Variants in DNMT1 observed in about 807,000 individuals in gnomAD.
The protein encoded by DNMT1 is DNA methyltransferase 1, also known as DNA (cytosine-5)-methyltransferase 1.
In DNMT1, 24 loss-of-function variants were observed where a neutral mutation model predicts 205.3. That is an observed-to-expected ratio of 0.12 (90% CI 0.08 to 0.16). The LOEUF is 0.16. Ranked by LOEUF, DNMT1 falls within the 10% of genes least tolerant of loss-of-function variation. The probability of loss-of-function intolerance (pLI) is 1.00; values close to 1 mark genes in which losing one functional copy is unlikely to be tolerated. For synonymous variants in DNMT1, 817 were observed against 839.8 expected, an observed-to-expected ratio of 0.97 and a Z score of 0.47; for missense variants, 1,293 against 2,177.7, an observed-to-expected ratio of 0.59 and a Z score of 8.09.
Position 10,159,773 on chromosome 19 carries a change from G to A in DNMT1, c.1171-6C>T, listed in dbSNP as rs938718191. Reference sequence around the variant, plus strand: ...AGCATCTGTGGCTCATCCACCTGAAGGACACGGGGCTGGTGAGCAGTGGGA... The same window carrying A: ...AGCATCTGTGGCTCATCCACCTGAAAGACACGGGGCTGGTGAGCAGTGGGA... On this transcript the variant is annotated splice_region_variant and splice_polypyrimidine_tract_variant and intron_variant, in intron 16 of 40. Coordinates refer to ENST00000359526, the MANE Select transcript of DNMT1 (RefSeq NM_001130823.3). The surrounding 1 kb of genome is among the most constrained non-coding windows in gnomAD (Gnocchi z 5.0). 1.9e-6 allele frequency: 3 copies of A among 1,614,108 alleles called. No homozygotes were observed. Among genetic ancestry groups the A allele is most frequent in the Non-Finnish European group, 2.5e-6 (3 of 1,180,042 alleles).
chr19:10,194,318 C>T (rs1269659627), intron 1 of DNMT1, among the ~76,000 whole-genome samples: 1 of 152,218 alleles, frequency 6.6e-6, no homozygotes, highest in Non-Finnish European at 1.5e-5. Flanking sequence ...CTCTGGAGGC[C>T]GCCATCGAGA....
In DNMT1 at chr19:10,175,529, A is replaced by C; in HGVS notation, c.648+11T>G. On this transcript the variant is annotated intron_variant, in intron 7 of 40. Transcript: ENST00000359526. ...TAAGGTAGAGTCAGGAAATGAAAGC[A>C]CTGGCCCTACCTGGTCTTTGTCTTC... 6 of 1,614,034 alleles carry C rather than the reference A, an allele frequency of 3.7e-6. No individual in the cohort carries two copies. The highest frequency in any genetic ancestry group is 5.1e-6 in the Non-Finnish European group (6 of 1,179,930).
Position 10,154,340 on chromosome 19 carries a change from C to T in DNMT1, c.1972G>A (p.Glu658Lys). 1 of 1,614,246 alleles carries T rather than the reference C, an allele frequency of 6.2e-7. No individual in the cohort carries two copies. Among genetic ancestry groups the T allele is most frequent in the East Asian group, 2.2e-5 (1 of 44,884 alleles). Reference protein sequence around the residue: ...FAEQIEKDDREDKENAFKRRR... With the variant: ...FAEQIEKDDRKDKENAFKRRR... ...CGCTTAAAGGCGTTCTCCTTGTCTT[C>T]TCTGTCATCCTTTTCAATTTGCTCT... is the stretch of plus-strand genomic sequence containing the variant. The change falls in exon 22 of 41, where the codon GAA becomes AAA. Residue 658 changes from glutamate to lysine, a missense_variant. By Grantham distance (56) the Glu-to-Lys change is moderately conservative. Transcript: ENST00000359526. The surrounding 1 kb of genome is among the most constrained non-coding windows in gnomAD (Gnocchi z 6.3).
At chr19:10,190,543 A>T (rs1365964890) in intron 1 of DNMT1, among the ~76,000 whole-genome samples, 3 of 152,136 alleles carry the variant, frequency 2.0e-5, no homozygotes, top group South Asian at 2.1e-4. Flanking sequence ...CAGGCGAATC[A>T]CTTGAGTCCA....
chr19:10,136,395 G>GC, intron 37 of DNMT1, 108 bp from the exon 38 acceptor site: 1 of 1,452,648 alleles, frequency 6.9e-7, no homozygotes. Flanking sequence ...TGTGCAAGGG[G>GC]CCCCCTGGGG....
In DNMT1 at chr19:10,156,008, C is replaced by T; in HGVS notation, c.1400-63G>A. The T allele has an allele frequency of 1.3e-6, 2 of 1,540,266 alleles. No individual in the cohort carries two copies. The highest frequency in any genetic ancestry group is 1.8e-6 in the Non-Finnish European group (2 of 1,128,534). ...TCACATCCCAAACCCAGGAGGCGCT[C>T]TAAGCGCCCACTCAGCAGACATCCC... On this transcript the variant is annotated intron_variant, in intron 18 of 40. Coordinates refer to ENST00000359526, the MANE Select transcript of DNMT1 (RefSeq NM_001130823.3). This position sits in a 1 kb window ranked among gnomAD's most constrained non-coding sequence, Gnocchi z 4.2.
chr19:10,194,916 G>C lies in DNMT1; in HGVS notation c.-17C>G, dbSNP rs748174887. ...CGCCGGCATCTCGGAGGCTTCAGCA[G>C]ACGCGGCGGCGGCAGCGCAGGCGCC... On this transcript the variant is annotated 5_prime_UTR_variant, in exon 1 of 41. Transcript: ENST00000359526. 8 of 1,600,864 alleles carry C rather than the reference G, an allele frequency of 5.0e-6. No individual in the cohort carries two copies. The highest frequency in any genetic ancestry group is 6.8e-6 in the Non-Finnish European group (8 of 1,173,618).
At chr19:10,187,147 G>A (rs1388731973) in intron 1 of DNMT1, among the ~76,000 whole-genome samples, 1 of 151,882 alleles carries the variant, frequency 6.6e-6, no homozygotes, top group Admixed American at 6.6e-5. Context: ...TTGTTCCATA[G>A]TTAACAAACA....
intron 10 of DNMT1, 46 bp from the exon 11 acceptor site, chr19:10,166,731 G>A (rs369638743): frequency 4.9e-5 from 79 of 1,609,174 alleles, no homozygotes; most frequent in South Asian, 4.5e-4. Context: ...GCTCGGGGGG[G>A]GCCCTGCACC....
intron 1 of DNMT1, among the ~76,000 whole-genome samples, chr19:10,183,052 C>T (rs939528123): frequency 7.5e-6 from 1 of 132,496 alleles, no homozygotes; most frequent in Non-Finnish European, 1.6e-5. Flanking sequence ...TATGTGTATA[C>T]ATACGTATAT....
Position 10,149,867 on chromosome 19 carries a change from C to T in DNMT1, c.2367G>A (p.Pro789=), listed in dbSNP as rs778997572. The change falls in exon 25 of 41, where the codon CCG becomes CCA. Residue 789 remains proline, a synonymous_variant. Transcript: ENST00000359526. ...VSVIPDDSSK[P]LYLARVTALW... ...AAGATGCAAACCTTGCTAGATACAG[C>T]GGTTTTGAGGAATCATCTGGAATAA... The T allele has an allele frequency of 3.7e-6, 6 of 1,614,042 alleles. No individual in the cohort carries two copies. Among genetic ancestry groups the T allele is most frequent in the Admixed American group, 3.3e-5 (2 of 59,992 alleles).
rs905483518 is a variant in DNMT1, at chr19:10,149,783, T to C, written c.2381+70A>G. 3.7e-6 allele frequency: 6 copies of C among 1,606,528 alleles called. No individual in the cohort carries two copies. In the African/African-American group the frequency reaches 6.7e-5, roughly 18 times the overall value. On this transcript the variant is annotated intron_variant, in intron 25 of 40. Transcript: ENST00000359526. ...GGGCAAAAAGCTGCTGGTGCTATTT[T>C]GGCAAAACAGGCATCTCCTACTTGA...
intron 13 of DNMT1, 64 bp downstream of exon 13, chr19:10,162,603 C>T (rs1239490030): frequency 7.2e-6 from 11 of 1,517,914 alleles, no homozygotes; most frequent in South Asian, 2.4e-5. Flanking sequence ...GGCAACATGG[C>T]GAAACCCCGT....
intron 39 of DNMT1, among the ~76,000 whole-genome samples, chr19:10,135,012 G>GACCA (rs1469324663): frequency 1.3e-5 from 2 of 151,868 alleles, no homozygotes; most frequent in African/African-American, 4.8e-5. Context: ...AAGAGTTCGG[G>GACCA]ACCAGCCTGG....
intron 11 of DNMT1, among the ~76,000 whole-genome samples, chr19:10,164,789 A>G (rs930081981): frequency 6.6e-6 from 1 of 151,524 alleles, no homozygotes; most frequent in South Asian, 2.1e-4. Flanking sequence ...TTAGCTAGGC[A>G]TAGTAGCACA....
Position 10,154,815 on chromosome 19 carries a change from G to A in DNMT1, c.1645-42C>T. The stretch of plus-strand genomic sequence containing the variant: ...TTTCTCTCATGCTTAAGCCAAACTG[G>A]CCTAAATCCAACTGAAGAACAGTGT... On this transcript the variant is annotated intron_variant, in intron 20 of 40. Coordinates refer to ENST00000359526, the MANE Select transcript of DNMT1 (RefSeq NM_001130823.3). This position sits in a 1 kb window ranked among gnomAD's most constrained non-coding sequence, Gnocchi z 6.3. The A allele has an allele frequency of 5.6e-6, 9 of 1,614,210 alleles. No individual in the cohort carries two copies. The highest frequency in any genetic ancestry group is 7.6e-6 in the Non-Finnish European group (9 of 1,180,034).
intron 1 of DNMT1, among the ~76,000 whole-genome samples, chr19:10,183,802 G>A (rs1268052718): frequency 2.0e-5 from 3 of 152,122 alleles, no homozygotes; most frequent in Admixed American, 6.6e-5. Context: ...ACTTGAACCC[G>A]GGAGGCAGAG....
chr19:10,175,385 C>T (rs1029262496), intron 7 of DNMT1, among the ~76,000 whole-genome samples, 155 bp downstream of exon 7: 1 of 152,090 alleles, frequency 6.6e-6, no homozygotes, highest in Admixed American at 6.6e-5. Context: ...TAGCTGTATA[C>T]ACACATATAC....
Position 10,156,050 on chromosome 19 carries a change from G to T in DNMT1, c.1400-105C>A. The T allele has an allele frequency of 8.4e-7, 1 of 1,186,300 alleles. No homozygotes were observed. Among genetic ancestry groups the T allele is most frequent in the Non-Finnish European group, 1.2e-6 (1 of 822,926 alleles). The allele number at this position is 1,186,300 out of a possible 1,614,324, so 73.5% of individuals were successfully genotyped here. ...AGACATCCCATCAGCCAGGTCGGGT[G>T]CTCCTCAGTCATCACAATGACTTGG... On this transcript the variant is annotated intron_variant, in intron 18 of 40. Coordinates refer to ENST00000359526, the MANE Select transcript of DNMT1 (RefSeq NM_001130823.3). This position sits in a 1 kb window ranked among gnomAD's most constrained non-coding sequence, Gnocchi z 4.2.
Sources: allele counts gnomAD v4.1 joint callset (sites outside exome capture counted in the v4.1 genomes callset), GRCh38; gene constraint gnomAD v4.1.1; non-coding constraint Gnocchi (gnomAD v3.1); transcripts MANE v1.5; gene names NCBI Gene and HGNC (gene_info 2026-07-23, HGNC 2026-07-21).